The following EOGT variants were observed in gnomAD, a reference collection of about 807,000 sequenced individuals.
EOGT encodes EGF domain specific O-linked N-acetylglucosamine transferase, also known as EGF domain-specific O-linked N-acetylglucosamine transferase.
A neutral mutation model predicts 70.5 loss-of-function variants in EOGT; 55 were observed. That is an observed-to-expected ratio of 0.78 (90% CI 0.63 to 0.98). EOGT has a LOEUF of 0.98. Among genes scored for constraint, EOGT ranks in the 50% least tolerant of loss-of-function variants. The pLI, the probability that EOGT is intolerant of heterozygous loss-of-function variation, is 0.00. For missense variants in EOGT, 703 were observed against 641.9 expected (o/e 1.10, Z -1.03); for synonymous variants, 246 against 217.1 (o/e 1.13, Z -1.17).
chr3:68,975,768 G>T lies in EOGT; in HGVS notation c.*1850C>A, dbSNP rs986418219. On this transcript the variant is annotated 3_prime_UTR_variant, in exon 18 of 18. Transcript: ENST00000383701. ...ACAGTGATTCACTATTTTCTTTACA[G>T]GTATTTTAATAAATATTCCTCAATT... 1.3e-5 allele frequency: 2 copies of T among 152,012 alleles called. No individual in the cohort carries two copies. The highest frequency in any genetic ancestry group is 4.8e-5 in the African/African-American group (2 of 41,378). 9.4% of individuals were successfully genotyped at this position (152,012 alleles called of 1,614,324 possible).
Position 69,003,877 on chromosome 3 carries a change from T to C in EOGT, c.620+501A>G, listed in dbSNP as rs114668799. Among the ~76,000 whole-genome samples the C allele has an allele frequency of 2.6e-3, 399 of 152,344 alleles. 1 individual carries two copies. The highest frequency in any genetic ancestry group is 9.1e-3 in the African/African-American group (377 of 41,584). ...GCTTTTACATACTTTAATATATGTG[T>C]ATTGTTTTTTAAATGGGTTCCCCAA... On this transcript the variant is annotated intron_variant, in intron 8 of 17. Coordinates refer to ENST00000383701, the MANE Select transcript of EOGT (RefSeq NM_001278689.2).
At chr3:69,002,661 C>T (rs1295854389) in intron 8 of EOGT, among the ~76,000 whole-genome samples, 6 of 144,860 alleles carry the variant, frequency 4.1e-5, no homozygotes, top group African/African-American at 1.3e-4. Context: ...GCATGAATTT[C>T]TTTTTTTTTT....
At chr3:68,985,469 C>G (rs536476564) in intron 14 of EOGT, among the ~76,000 whole-genome samples, 52 of 152,298 alleles carry the variant, frequency 3.4e-4, no homozygotes, top group East Asian at 3.1e-3. Context: ...CCCCCCTCAA[C>G]TTTCCTCTTA....
chr3:68,992,423 G>C (rs143438181), intron 10 of EOGT, among the ~76,000 whole-genome samples: 318 of 152,330 alleles, frequency 2.1e-3, no homozygotes, highest in Non-Finnish European at 3.6e-3. Context: ...GCTCCAGAAT[G>C]ATCTCCTTTG....
chr3:68,992,292 A>G (rs1176516246), intron 10 of EOGT, among the ~76,000 whole-genome samples: 1 of 152,212 alleles, frequency 6.6e-6, no homozygotes, highest in African/African-American at 2.4e-5. Flanking sequence ...TCCTTCCTAG[A>G]TACGATGGGG....
Position 68,978,354 on chromosome 3 carries a change from G to T in EOGT, c.1416C>A (p.Asn472Lys). 6.2e-7 allele frequency: 1 copy of T among 1,612,474 alleles called. No homozygotes were observed. The highest frequency in any genetic ancestry group is 8.5e-7 in the Non-Finnish European group (1 of 1,179,450). The change falls in exon 17 of 18, where the codon AAC (asparagine) becomes AAA (lysine). Residue 472 changes from asparagine (N) to lysine (K), a missense_variant. Transcript: ENST00000383701. ...TTACCTTATCCTGAGGAAAGACTTT[G>T]TTCTGCCGTCGCCAAGTGATGTAGT... Reference protein sequence around the residue: ...GVHYITWRRQNKVFPQDKGHH... With the variant: ...GVHYITWRRQKKVFPQDKGHH...
chr3:68,978,187 G>T, intron 17 of EOGT, 146 bp downstream of exon 17: 1 of 656,630 alleles, frequency 1.5e-6, no homozygotes, highest in Admixed American at 3.4e-5. Flanking sequence ...TCTCCTATTT[G>T]CAAATATAAA....
chr3:69,010,768 T>C (rs553930034), intron 3 of EOGT, among the ~76,000 whole-genome samples: 9 of 152,184 alleles, frequency 5.9e-5, no homozygotes, highest in South Asian at 4.1e-4. Context: ...AAAGTATCTG[T>C]GAGAGAGCAA....
At chr3:68,979,545 A>G (rs2090571491) in intron 16 of EOGT, 123 bp downstream of exon 16, 12 of 1,104,540 alleles carry the variant, frequency 1.1e-5, no homozygotes, top group Non-Finnish European at 1.5e-5. Context: ...GATTGTCTAT[A>G]TGATGTGACT....
chr3:68,980,773 A>C (rs768332554), intron 15 of EOGT, among the ~76,000 whole-genome samples: 2 of 152,224 alleles, frequency 1.3e-5, no homozygotes, highest in Non-Finnish European at 2.9e-5. Context: ...ACGGCCATTC[A>C]CCCAGGTGAA....
Position 69,002,955 on chromosome 3 carries a change from G to A in EOGT, c.621-1241C>T, listed in dbSNP as rs1464605548. On this transcript the variant is annotated intron_variant, in intron 8 of 17. Coordinates refer to ENST00000383701, the MANE Select transcript of EOGT (RefSeq NM_001278689.2). Reference sequence around the variant, plus strand: ...AGTGCTGTGATTATAGGCATGAGCCGCCATTCCTGGCCTTGGTATGGACAT... The same window carrying A: ...AGTGCTGTGATTATAGGCATGAGCCACCATTCCTGGCCTTGGTATGGACAT... Among the ~76,000 whole-genome samples, 10 of 152,180 alleles carry A rather than the reference G, an allele frequency of 6.6e-5. No individual in the cohort carries two copies. The South Asian group carries it at 1.5e-3, about 22-fold the overall frequency.
At chr3:68,986,222 T>G (rs1048228707) in intron 14 of EOGT, among the ~76,000 whole-genome samples, 4 of 152,220 alleles carry the variant, frequency 2.6e-5, no homozygotes, top group African/African-American at 7.2e-5. Flanking sequence ...GATAATCTTC[T>G]TACTTTAAGG....
In EOGT at chr3:69,007,801, G is replaced by A; in HGVS notation, c.332C>T (p.Ala111Val). The A allele has an allele frequency of 1.2e-6, 2 of 1,612,008 alleles. No individual in the cohort carries two copies. The highest frequency in any genetic ancestry group is 1.7e-6 in the Non-Finnish European group (2 of 1,178,776). Reference protein sequence around the residue: ...DMGWTDTLESAEDIFWKQADF... With the variant: ...DMGWTDTLESVEDIFWKQADF... ...AGCTTGTTTCCAAAATATGTCCTCA[G>A]CTGACTCAAGAGTGTCCGTCCTATT... The change falls in exon 6 of 18, where the codon GCT (alanine) becomes GTT (valine). Residue 111 changes from alanine to valine, a missense_variant. Transcript: ENST00000383701.
Position 69,012,643 on chromosome 3 carries a change from A to C in EOGT, c.-199T>G, listed in dbSNP as rs2091605198. ...GGGGGTGGCTGCTGGGCCTGGCACA[A>C]AGCCTTCCTGGTGTCGGTCGTCCTG... On this transcript the variant is annotated 5_prime_UTR_variant, in exon 2 of 18. Coordinates refer to ENST00000383701, the MANE Select transcript of EOGT (RefSeq NM_001278689.2). 6.5e-6 allele frequency: 1 copy of C among 152,756 alleles called. No individual in the cohort carries two copies. The highest frequency in any genetic ancestry group is 1.5e-5 in the Non-Finnish European group (1 of 68,384). 9.5% of individuals were successfully genotyped at this position (152,756 alleles called of 1,614,324 possible).
intron 15 of EOGT, among the ~76,000 whole-genome samples, chr3:68,980,367 C>A (rs2090603843): frequency 6.6e-6 from 1 of 152,218 alleles, no homozygotes; most frequent in African/African-American, 2.4e-5. Context: ...AGGGCATTAT[C>A]CTGCCTTTGG....
intron 9 of EOGT, among the ~76,000 whole-genome samples, chr3:68,999,259 G>C (rs900135271): frequency 3.3e-5 from 5 of 152,200 alleles, no homozygotes; most frequent in African/African-American, 1.2e-4. Context: ...ATGAAGACTA[G>C]CTGGATCCCA....
At chr3:69,004,318 C>G (rs6763244) in intron 8 of EOGT, 60 bp downstream of exon 8, 1 of 1,233,984 alleles carries the variant, frequency 8.1e-7, no homozygotes, top group Non-Finnish European at 1.2e-6. Context: ...CCATTAATAT[C>G]TGCAAGTGCC....
At chr3:68,993,774 C>A (rs775178361) in intron 10 of EOGT, among the ~76,000 whole-genome samples, 1 of 151,992 alleles carries the variant, frequency 6.6e-6, no homozygotes, top group Non-Finnish European at 1.5e-5. Context: ...GCTGGGGAGG[C>A]CTCAGAATCA....
intron 14 of EOGT, among the ~76,000 whole-genome samples, chr3:68,985,940 A>C (rs1192684698): frequency 6.6e-6 from 1 of 152,068 alleles, no homozygotes; most frequent in Non-Finnish European, 1.5e-5. Context: ...GAAAGAACCC[A>C]CTGCCTCACC....
Sources: allele counts gnomAD v4.1 joint callset (sites outside exome capture counted in the v4.1 genomes callset), GRCh38; gene constraint gnomAD v4.1.1; transcripts MANE v1.5; gene names NCBI Gene and HGNC (gene_info 2026-07-23, HGNC 2026-07-21).